The following AMMECR1 variants were observed in gnomAD, a reference collection of about 807,000 sequenced individuals.
The protein encoded by AMMECR1 is nuclear protein AMMECR1.
In AMMECR1, 3 loss-of-function variants were observed where a neutral mutation model predicts 22.5. The ratio of observed to expected loss-of-function variants is 0.13; its 90% CI spans 0.06 to 0.35. The LOEUF (loss-of-function observed/expected upper bound fraction) is 0.35. Among genes scored for constraint, AMMECR1 ranks in the 10% least tolerant of loss-of-function variants. The probability of loss-of-function intolerance (pLI) is 1.00; values close to 1 mark genes in which losing one functional copy is unlikely to be tolerated. For synonymous variants in AMMECR1, 130 were observed against 116.7 expected (o/e 1.11, Z -0.74); for missense variants, 235 against 278.7 (o/e 0.84, Z 1.12).
At chrX:110,400,788 A>G (rs1265098360) in intron 2 of AMMECR1, among the ~76,000 whole-genome samples, 1 of 111,541 alleles carries the variant, frequency 9.0e-6, no homozygotes, top group Non-Finnish European at 1.9e-5. Flanking sequence ...GCCCACTTGA[A>G]TGTGAGCCCC....
intron 2 of AMMECR1, among the ~76,000 whole-genome samples, chrX:110,335,184 C>A (rs1230238697): frequency 9.0e-6 from 1 of 111,203 alleles, no homozygotes; most frequent in Non-Finnish European, 1.9e-5. Flanking sequence ...GAATGTAAAG[C>A]CCTTGGCACA....
At chrX:110,321,834 GAATGT>G (rs777413931), upstream of AMMECR1, among the ~76,000 whole-genome samples, 17 of 112,024 alleles carry the variant, frequency 1.5e-4, no homozygotes, top group Non-Finnish European at 3.2e-4. Context: ...AACAACTGCA[GAATGT>G]AATATTCTTA....
intron 2 of AMMECR1, among the ~76,000 whole-genome samples, chrX:110,383,809 A>G (rs1190146569): frequency 8.9e-6 from 1 of 111,791 alleles, no homozygotes; most frequent in Non-Finnish European, 1.9e-5. Context: ...TCCCTTTGAT[A>G]GCACCATCCT....
chrX:110,258,348 G>A (rs754802153), intron 2 of AMMECR1, among the ~76,000 whole-genome samples: 4 of 111,680 alleles, frequency 3.6e-5, no homozygotes, highest in African/African-American at 1.3e-4. Context: ...TTGGGATAAC[G>A]AAGGAGTGCA....
chrX:110,317,858 G>T lies in AMMECR1; in HGVS notation c.214C>A (p.Pro72Thr). ...GGSGSGCTLS[P>T]PQGCGGGGGG... is the part of the protein sequence containing the mutation. ...CCGCCGCCGCCGCAGCCCTGGGGGG[G>T]AGAGAGGGTACAGCCGCTGCCGCTA... is the stretch of plus-strand genomic sequence containing the variant. The change falls in exon 1 of 6, where the codon CCC (proline) becomes ACC (threonine). Residue 72 changes from proline to threonine, a missense_variant. By Grantham distance (38) the Pro-to-Thr change is conservative (BLOSUM62 -1). Coordinates refer to ENST00000262844, the MANE Select transcript of AMMECR1 (RefSeq NM_015365.3). 1.7e-6 allele frequency: 2 copies of T among 1,176,952 alleles called. No individual in the cohort carries two copies. Among genetic ancestry groups the T allele is most frequent in the Non-Finnish European group, 2.3e-6 (2 of 878,049 alleles).
chrX:110,234,047 T>G (rs776721690), intron 2 of AMMECR1, among the ~76,000 whole-genome samples: 1 of 112,313 alleles, frequency 8.9e-6, no homozygotes, highest in East Asian at 2.8e-4. Flanking sequence ...TGTCCCTGTT[T>G]GCAGATGACA....
At chrX:110,316,642 T>C (rs1334000403) in intron 1 of AMMECR1, among the ~76,000 whole-genome samples, 1 of 110,359 alleles carries the variant, frequency 9.1e-6, no homozygotes, top group Admixed American at 9.6e-5. Flanking sequence ...AGAATTAACC[T>C]GGCTTTTAGC....
intron 1 of AMMECR1, chrX:110,307,147 A>T (rs1323101385): frequency 9.2e-6 from 1 of 108,701 alleles, no homozygotes; most frequent in Non-Finnish European, 1.9e-5. Context: ...TGGGAGGCTG[A>T]GGCGGGAGAA....
chrX:110,205,139 T>C (rs1003708508), intron 3 of AMMECR1, among the ~76,000 whole-genome samples: 19 of 111,816 alleles, frequency 1.7e-4, no homozygotes, highest in African/African-American at 6.2e-4. Flanking sequence ...AACAAAATCA[T>C]AGTAGCTTTC....
At chrX:110,231,309 C>T (rs751645411) in intron 2 of AMMECR1, among the ~76,000 whole-genome samples, 4 of 112,279 alleles carry the variant, frequency 3.6e-5, no homozygotes, top group East Asian at 2.8e-4. Context: ...AAGGGAACAG[C>T]GGATCTCTCA....
chrX:110,277,293 T>A (rs1479018866), intron 1 of AMMECR1, among the ~76,000 whole-genome samples: 2 of 110,435 alleles, frequency 1.8e-5, no homozygotes, highest in African/African-American at 6.6e-5. Flanking sequence ...AGGAACATCA[T>A]TCTGAGCAAC....
chrX:110,213,278 C>T (rs768027440), intron 3 of AMMECR1, among the ~76,000 whole-genome samples: 1 of 111,824 alleles, frequency 8.9e-6, no homozygotes, highest in Admixed American at 9.4e-5. Context: ...TACCCCTCCC[C>T]CTAGCCCCTA....
rs1355466738 is a variant in AMMECR1 at position 110,397,262 on chromosome X, A to G, written c.-148+29396T>C. Among the ~76,000 whole-genome samples, 3 of 111,583 alleles carry G rather than the reference A, an allele frequency of 2.7e-5. No individual in the cohort carries two copies. The Admixed American group carries it at 2.9e-4, about 11-fold the overall frequency. Reference sequence around the variant, plus strand: ...CCTGATATCCCACCCACATTTTCCAAGTAAGTCTCTCAGAGCCTTGTATTC... The same window carrying G: ...CCTGATATCCCACCCACATTTTCCAGGTAAGTCTCTCAGAGCCTTGTATTC... On this transcript the variant is annotated intron_variant, in intron 2 of 7. Coordinates refer to the AMMECR1 transcript ENST00000372057.
At chrX:110,332,041 TC>T (rs1191957332) in intron 2 of AMMECR1, among the ~76,000 whole-genome samples, 4 of 111,637 alleles carry the variant, frequency 3.6e-5, no homozygotes, top group African/African-American at 1.3e-4. Context: ...ATATTATAGA[TC>T]TATTCCCTTC....
intron 1 of AMMECR1, among the ~76,000 whole-genome samples, chrX:110,297,280 G>T (rs748063064): frequency 8.9e-6 from 1 of 111,874 alleles, no homozygotes; most frequent in African/African-American, 3.2e-5. Flanking sequence ...AGCCACCTCA[G>T]GCAGATACAG....
upstream of AMMECR1, among the ~76,000 whole-genome samples, chrX:110,321,582 T>G (rs953435495): frequency 1.8e-5 from 2 of 112,073 alleles, no homozygotes; most frequent in Non-Finnish European, 3.8e-5. Flanking sequence ...TAATATATTA[T>G]CATTGCCTCA....
intron 2 of AMMECR1, among the ~76,000 whole-genome samples, chrX:110,217,186 T>TTTC (rs1307204539): frequency 3.7e-5 from 4 of 108,407 alleles, no homozygotes; most frequent in Admixed American, 3.0e-4. Flanking sequence ...AAAATTTCAT[T>TTTC]TTCTTCAATT....
At chrX:110,395,678 C>T (rs750772574) in intron 2 of AMMECR1, among the ~76,000 whole-genome samples, 3 of 110,651 alleles carry the variant, frequency 2.7e-5, no homozygotes, top group Non-Finnish European at 5.7e-5. Context: ...TAATCCTGTG[C>T]GTGTTTGAAG....
At position 110,248,700 on chromosome X, in the gene AMMECR1, A is replaced by T. The variant is rs182619023; in HGVS notation, c.584+15789T>A. Among the ~76,000 whole-genome samples the T allele has an allele frequency of 1.1e-3, 126 of 112,504 alleles. 1 individual carries two copies. Among genetic ancestry groups the T allele is most frequent in the Non-Finnish European group, 2.0e-3 (109 of 53,292 alleles). ...TTTGTTTCCTTAATTATAATTTCTA[A>T]GGAACTGTCTCACTTCTTAACTCCT... On this transcript the variant is annotated intron_variant, in intron 2 of 5. Transcript: ENST00000262844.
Sources: allele counts gnomAD v4.1 joint callset (sites outside exome capture counted in the v4.1 genomes callset), GRCh38; gene constraint gnomAD v4.1.1; transcripts MANE v1.5; gene names NCBI Gene and HGNC (gene_info 2026-07-23, HGNC 2026-07-21).